Variants in PHF11 observed in about 807,000 individuals in gnomAD.
The protein encoded by PHF11 is PHD finger protein 11, also known as BRCA1 C-terminus-associated protein.
In PHF11, 38 loss-of-function variants were observed where a neutral mutation model predicts 40.5. The observed-to-expected ratio is 0.94, with a 90% confidence interval of 0.72 to 1.23. The LOEUF is 1.23. Among genes scored for constraint, PHF11 ranks in the 50% most tolerant of loss-of-function variants. The probability of loss-of-function intolerance (pLI) is 0.00; values close to 1 mark genes in which losing one functional copy is unlikely to be tolerated. For missense variants in PHF11, 369 were observed against 392.4 expected (o/e 0.94, Z 0.50); for synonymous variants, 127 against 138.2 (o/e 0.92, Z 0.57).
chr13:49,500,914 C>T (rs73188690), intron 1 of PHF11, among the ~76,000 whole-genome samples: 3,691 of 148,418 alleles, frequency 0.025, 71 homozygotes, highest in Non-Finnish European at 0.039. Context: ...CAATGTTGTA[C>T]AAAAATGTTC....
intron 6 of PHF11, 66 bp from the exon 7 acceptor site, chr13:49,523,109 A>G: frequency 9.0e-7 from 1 of 1,113,636 alleles, no homozygotes; most frequent in South Asian, 1.2e-5. Flanking sequence ...ATGCACAGCA[A>G]AAGACTGGTT....
At chr13:49,519,142 T>C in intron 4 of PHF11, among the ~76,000 whole-genome samples, 1 of 151,872 alleles carries the variant, frequency 6.6e-6, no homozygotes, top group East Asian at 1.9e-4. Flanking sequence ...GGCTAAATAA[T>C]TTTAAATCTG....
At chr13:49,523,984 T>C (rs1199168693) in intron 7 of PHF11, 101 bp from the exon 8 acceptor site, 2 of 812,204 alleles carry the variant, frequency 2.5e-6, no homozygotes, top group Admixed American at 2.6e-5. Context: ...ACTAAGTATG[T>C]GCATCCACCA....
intron 3 of PHF11, among the ~76,000 whole-genome samples, chr13:49,513,455 C>T (rs1316993112): frequency 6.6e-6 from 1 of 151,706 alleles, no homozygotes; most frequent in Non-Finnish European, 1.5e-5. Context: ...CTCAGCCTCC[C>T]GAGTAGCTAG....
At chr13:49,509,470 C>T (rs1250707005) in intron 2 of PHF11, among the ~76,000 whole-genome samples, 1 of 152,094 alleles carries the variant, frequency 6.6e-6, no homozygotes, top group Non-Finnish European at 1.5e-5. Context: ...CTCAGCCTCC[C>T]AAAGTTCTGG....
At chr13:49,526,364 T>C (rs1385088629) in intron 8 of PHF11, 23 bp from the exon 9 acceptor site, 1 of 1,525,562 alleles carries the variant, frequency 6.6e-7, no homozygotes, top group Admixed American at 1.7e-5. Context: ...TGTTTAATAT[T>C]GAAAATGTTT....
chr13:49,523,062 C>A, intron 6 of PHF11, 113 bp from the exon 7 acceptor site: 1 of 797,980 alleles, frequency 1.3e-6, no homozygotes, highest in Non-Finnish European at 2.2e-6. Context: ...CGCGCCCAGC[C>A]AGGGCATGAT....
At chr13:49,526,326 A>C in intron 8 of PHF11, 61 bp from the exon 9 acceptor site, 1 of 1,034,738 alleles carries the variant, frequency 9.7e-7, no homozygotes, top group Non-Finnish European at 1.5e-6. Context: ...TTACATATAT[A>C]AATGGAGGAG....
chr13:49,505,760 TAGA>T (rs1350896262), intron 1 of PHF11, among the ~76,000 whole-genome samples: 1 of 152,118 alleles, frequency 6.6e-6, no homozygotes, highest in East Asian at 1.9e-4. Context: ...CTTCTTCCCT[TAGA>T]TTTCTTTCCT....
At chr13:49,513,506 T>C (rs1959107854) in intron 3 of PHF11, among the ~76,000 whole-genome samples, 1 of 151,940 alleles carries the variant, frequency 6.6e-6, no homozygotes, top group Non-Finnish European at 1.5e-5. Flanking sequence ...AATTTTTGTA[T>C]TTTTAGTAGA....
At chr13:49,505,975 AT>A (rs904243608) in intron 1 of PHF11, among the ~76,000 whole-genome samples, 5 of 152,190 alleles carry the variant, frequency 3.3e-5, no homozygotes, top group Non-Finnish European at 5.9e-5. Flanking sequence ...ATTTCTTAAT[AT>A]GCCATTGTTT....
chr13:49,497,280 A>AG, intron 1 of PHF11: 1 of 905,090 alleles, frequency 1.1e-6, no homozygotes. Context: ...TGGTATAACC[A>AG]ACTTCTTCCA....
chr13:49,496,483 G>A lies in PHF11; in HGVS notation c.94+388G>A, dbSNP rs994705430. Reference sequence around the variant, plus strand: ...GACAGTGGAGGGGCGCCCTGATGCGGTGAGGCAGGGGGCGGCCCTGAGGGA... The same window carrying A: ...GACAGTGGAGGGGCGCCCTGATGCGATGAGGCAGGGGGCGGCCCTGAGGGA... On this transcript the variant is annotated intron_variant, in intron 1 of 9. Transcript: ENST00000378319. 4.0e-6 allele frequency: 4 copies of A among 1,001,686 alleles called. No individual in the cohort carries two copies. The African/African-American group carries it at 5.2e-5, about 13-fold the overall frequency. The allele number at this position is 1,001,686 out of a possible 1,614,324, so 62.0% of individuals were successfully genotyped here. A position where few individuals can be genotyped will look rare whatever the true frequency, so the allele number is the denominator to read the frequency against.
chr13:49,522,759 GTTTTTTTGT>G (rs1959194899), intron 6 of PHF11, among the ~76,000 whole-genome samples: 1 of 31,764 alleles, frequency 3.1e-5, no homozygotes, highest in African/African-American at 9.5e-5. Flanking sequence ...TGAATATGGG[GTTTTTTTGT>G]TTTTTTTTTT....
intron 3 of PHF11, among the ~76,000 whole-genome samples, chr13:49,514,994 A>G (rs991505671): frequency 2.0e-5 from 3 of 152,186 alleles, no homozygotes; most frequent in Admixed American, 2.0e-4. Flanking sequence ...GAGTTAAAGA[A>G]ATCTCTGTGA....
intron 8 of PHF11, 185 bp from the exon 9 acceptor site, chr13:49,526,202 A>C (rs1466259125): frequency 3.7e-6 from 2 of 538,748 alleles, no homozygotes; most frequent in Non-Finnish European, 6.6e-6. Context: ...AAAAAAGAGA[A>C]ATGCCAAGAA....
intron 1 of PHF11, among the ~76,000 whole-genome samples, chr13:49,502,115 C>T (rs1156283306): frequency 2.0e-5 from 3 of 152,082 alleles, no homozygotes; most frequent in African/African-American, 7.2e-5. Context: ...TCCTGGACAA[C>T]ATGGCAAGAT....
chr13:49,527,545 G>A (rs1331762113), intron 9 of PHF11, among the ~76,000 whole-genome samples: 1 of 152,084 alleles, frequency 6.6e-6, no homozygotes, highest in African/African-American at 2.4e-5. Flanking sequence ...ATAACCAGCA[G>A]GAAAAATACT....
chr13:49,520,617 T>A (rs1166745746), intron 4 of PHF11, among the ~76,000 whole-genome samples: 1 of 152,236 alleles, frequency 6.6e-6, no homozygotes, highest in Non-Finnish European at 1.5e-5. Flanking sequence ...GACCACTGTA[T>A]ATGAACTAGT....
Sources: allele counts gnomAD v4.1 joint callset (sites outside exome capture counted in the v4.1 genomes callset), GRCh38; gene constraint gnomAD v4.1.1; transcripts MANE v1.5; gene names NCBI Gene and HGNC (gene_info 2026-07-23, HGNC 2026-07-21).